The following INPP5A variants were observed in gnomAD, a reference collection of about 807,000 sequenced individuals.
INPP5A encodes the protein 43 kDa inositol polyphosphate 5-phophatase.
A neutral mutation model predicts 65.2 loss-of-function variants in INPP5A; 14 were observed. That is an observed-to-expected ratio of 0.21 (90% CI 0.14 to 0.34). INPP5A has a LOEUF of 0.34. INPP5A is among the 10% of genes least tolerant of loss of function. INPP5A has a pLI of 1.00. For missense variants in INPP5A, 431 were observed against 545.6 expected, an observed-to-expected ratio of 0.79 and a Z score of 2.09; for synonymous variants, 207 against 208.3, an observed-to-expected ratio of 0.99 and a Z score of 0.05.
Position 132,777,997 on chromosome 10 carries a change from A to T in INPP5A, c.1089+215A>T, listed in dbSNP as rs571211869. 31 of 1,329,866 alleles carry T rather than the reference A, an allele frequency of 2.3e-5. No homozygotes were observed. The African/African-American group carries it at 3.1e-4, about 13-fold the overall frequency. The allele number at this position is 1,329,866 out of a possible 1,614,324, so 82.4% of individuals were successfully genotyped here. A position where few individuals can be genotyped will look rare whatever the true frequency, so the allele number is the denominator to read the frequency against. ...GCTGGGGCAGCAGCAGATGGAGCCG[A>T]GTTCCTGGGCCATGGGCAGCCAGCG... On this transcript the variant is annotated intron_variant, in intron 13 of 15. Coordinates refer to ENST00000368594, the MANE Select transcript of INPP5A (RefSeq NM_005539.5).
At position 132,741,930 on chromosome 10, in the gene INPP5A, G is replaced by T. The variant is rs1458052107; in HGVS notation, c.733-7587G>T. Among the ~76,000 whole-genome samples, 1 of 152,164 alleles carries T rather than the reference G, an allele frequency of 6.6e-6. No homozygotes were observed. Among genetic ancestry groups the T allele is most frequent in the African/African-American group, 2.4e-5 (1 of 41,430 alleles). On this transcript the variant is annotated intron_variant, in intron 9 of 15. Transcript: ENST00000368594. This position sits in a 1 kb window ranked among gnomAD's most constrained non-coding sequence, Gnocchi z 4.4. Reference sequence around the variant, plus strand: ...AGATGTGGCCGTCCTCTGCAGAAAGGATGCATACTTACAGAGAAGGCGCTC... The same window carrying T: ...AGATGTGGCCGTCCTCTGCAGAAAGTATGCATACTTACAGAGAAGGCGCTC...
intron 9 of INPP5A, 96 bp from the exon 10 acceptor site, chr10:132,749,421 C>A: frequency 8.9e-7 from 1 of 1,122,646 alleles, no homozygotes; most frequent in Non-Finnish European, 1.3e-6. Context: ...CTGTCTGGAA[C>A]CAGCCATCCT....
At chr10:132,542,427 G>A (rs889496645) in intron 1 of INPP5A, among the ~76,000 whole-genome samples, 5 of 151,408 alleles carry the variant, frequency 3.3e-5, no homozygotes, top group East Asian at 1.9e-4. Flanking sequence ...GCAGGCTGGC[G>A]TCTCTCTCTG....
chr10:132,780,775 C>T, intron 13 of INPP5A, 74 bp from the exon 14 acceptor site: 1 of 1,187,712 alleles, frequency 8.4e-7, no homozygotes, highest in Admixed American at 1.7e-5. Context: ...CCCTGATGTT[C>T]CTGCCAGTCA....
chr10:132,780,367 T>C (rs756765906), intron 13 of INPP5A, among the ~76,000 whole-genome samples: 15 of 152,174 alleles, frequency 9.9e-5, no homozygotes, highest in Non-Finnish European at 1.8e-4. Context: ...GTTTGAACAC[T>C]GAGTTCTAGG....
At chr10:132,677,880 T>C (rs1416594537) in intron 4 of INPP5A, among the ~76,000 whole-genome samples, 1 of 152,238 alleles carries the variant, frequency 6.6e-6, no homozygotes, top group Admixed American at 6.5e-5. Flanking sequence ...CGGGGCACGC[T>C]TTATAAAATG....
intron 4 of INPP5A, among the ~76,000 whole-genome samples, chr10:132,662,063 A>C (rs1469979612): frequency 6.6e-6 from 1 of 152,240 alleles, no homozygotes; most frequent in Non-Finnish European, 1.5e-5. Flanking sequence ...TGCAGCTTCC[A>C]CAAGATCACA....
chr10:132,642,798 G>A (rs1279852472), intron 2 of INPP5A, among the ~76,000 whole-genome samples: 5 of 152,206 alleles, frequency 3.3e-5, no homozygotes, highest in African/African-American at 1.2e-4. Flanking sequence ...GTGGAGGGGC[G>A]GCCGCACGTG....
intron 1 of INPP5A, among the ~76,000 whole-genome samples, chr10:132,568,459 C>G (rs1200736230): frequency 1.3e-5 from 2 of 152,098 alleles, no homozygotes; most frequent in Non-Finnish European, 2.9e-5. Flanking sequence ...GGCACAGTGG[C>G]TCACGCCTGT....
chr10:132,646,562 G>C (rs976311646), intron 3 of INPP5A, among the ~76,000 whole-genome samples: 2 of 152,190 alleles, frequency 1.3e-5, no homozygotes, highest in African/African-American at 4.8e-5. Flanking sequence ...ATAGGCTGTT[G>C]CTAATAGTGG....
In INPP5A at chr10:132,753,029, G is replaced by T. The variant is rs566962211; in HGVS notation, c.903+3184G>T. Among the ~76,000 whole-genome samples, 2 of 152,132 alleles carry T rather than the reference G, an allele frequency of 1.3e-5. No homozygotes were observed. Among genetic ancestry groups the T allele is most frequent in the Non-Finnish European group, 2.9e-5 (2 of 68,012 alleles). ...GAAAGGCGGCCTGAGCTCAGGAGGCGCCTTCTGAGGCTGTTTCTCATGAGA... is the reference window on the plus strand; with the variant it reads ...GAAAGGCGGCCTGAGCTCAGGAGGCTCCTTCTGAGGCTGTTTCTCATGAGA... On this transcript the variant is annotated intron_variant, in intron 11 of 15. Coordinates refer to ENST00000368594, the MANE Select transcript of INPP5A (RefSeq NM_005539.5). This position sits in a 1 kb window ranked among gnomAD's most constrained non-coding sequence, Gnocchi z 5.3.
intron 5 of INPP5A, among the ~76,000 whole-genome samples, chr10:132,692,106 C>T (rs1472774752): frequency 1.3e-5 from 2 of 151,864 alleles, no homozygotes; most frequent in African/African-American, 4.8e-5. Context: ...GCTAGGGGCT[C>T]GAGGCTCTGA....
chr10:132,691,653 ACTCTAGCAAAACTTT>A (rs1845263926), intron 5 of INPP5A, among the ~76,000 whole-genome samples: 1 of 152,224 alleles, frequency 6.6e-6, no homozygotes, highest in East Asian at 1.9e-4. Context: ...TACACACTTC[ACTCTAGCAAAACTTT>A]CCCCAGAGCC....
intron 5 of INPP5A, among the ~76,000 whole-genome samples, chr10:132,694,421 T>C (rs1845314666): frequency 1.3e-5 from 2 of 151,836 alleles, no homozygotes; most frequent in Non-Finnish European, 2.9e-5. Context: ...AAGAAAGAGC[T>C]AAAAAGAAAA....
Position 132,550,801 on chromosome 10 carries a change from G to C in INPP5A, c.75+12630G>C, listed in dbSNP as rs1439309428. Among the ~76,000 whole-genome samples the C allele has an allele frequency of 6.6e-6, 1 of 152,226 alleles. No individual in the cohort carries two copies. Among genetic ancestry groups the C allele is most frequent in the African/African-American group, 2.4e-5 (1 of 41,456 alleles). On this transcript the variant is annotated intron_variant, in intron 1 of 15. Transcript: ENST00000368594. This position sits in a 1 kb window ranked among gnomAD's most constrained non-coding sequence, Gnocchi z 4.2. ...GCCATGGTCGCTGACCTCGCCTCCT[G>C]TTGTCTTAGATCCTTGGCACTGCAG...
chr10:132,657,690 T>G (rs995972888), intron 4 of INPP5A, among the ~76,000 whole-genome samples: 1 of 152,164 alleles, frequency 6.6e-6, no homozygotes, highest in African/African-American at 2.4e-5. Flanking sequence ...AATAAGACTT[T>G]AGGGAGAATT....
At position 132,650,955 on chromosome 10, in the gene INPP5A, G is replaced by A. The variant is rs2072569009; in HGVS notation, c.306+450G>A. 2.0e-5 allele frequency among the ~76,000 whole-genome samples: 3 copies of A among 152,130 alleles called. No individual in the cohort carries two copies. The highest frequency in any genetic ancestry group is 1.3e-4 in the Admixed American group (2 of 15,284). ...CAGGGCTGGGGCGGTGTCCTGCCTC[G>A]GAGAGAGGCTGTTCCTCAGGGTGAG... On this transcript the variant is annotated intron_variant, in intron 4 of 15. Transcript: ENST00000368594. This position sits in a 1 kb window ranked among gnomAD's most constrained non-coding sequence, Gnocchi z 5.5.
Position 132,549,157 on chromosome 10 carries a change from C to T in INPP5A, c.75+10986C>T, listed in dbSNP as rs753746343. 8.5e-5 allele frequency among the ~76,000 whole-genome samples: 13 copies of T among 152,144 alleles called. No individual in the cohort carries two copies. The highest frequency in any genetic ancestry group is 1.9e-4 in the East Asian group (1 of 5,188). On this transcript the variant is annotated intron_variant, in intron 1 of 15. Coordinates refer to ENST00000368594, the MANE Select transcript of INPP5A (RefSeq NM_005539.5). This position sits in a 1 kb window ranked among gnomAD's most constrained non-coding sequence, Gnocchi z 4.9. ...TGGAGGCATACCTCGTTTCTCCAGT[C>T]GCCCACAGATGGACGTCGGGGCTAT...
chr10:132,630,765 C>T (rs2072258405), intron 2 of INPP5A, among the ~76,000 whole-genome samples: 1 of 150,146 alleles, frequency 6.7e-6, no homozygotes, highest in African/African-American at 2.5e-5. Flanking sequence ...CTTAACCTTG[C>T]CCTGCCCTGT....
Sources: allele counts gnomAD v4.1 joint callset (sites outside exome capture counted in the v4.1 genomes callset), GRCh38; gene constraint gnomAD v4.1.1; non-coding constraint Gnocchi (gnomAD v3.1); transcripts MANE v1.5; gene names NCBI Gene and HGNC (gene_info 2026-07-23, HGNC 2026-07-21).